The following UQCC2 variants were observed in gnomAD, a reference collection of about 807,000 sequenced individuals.
UQCC2 encodes ubiquinol-cytochrome c reductase complex assembly factor 2, also known as breast cancer-associated protein SGA-81M.
Under a neutral mutation model 19.9 loss-of-function variants are expected in UQCC2, and 21 were observed. That is an observed-to-expected ratio of 1.05 (90% CI 0.75 to 1.52). The LOEUF (loss-of-function observed/expected upper bound fraction) is 1.52, where lower values mean the gene tolerates loss of function less well. UQCC2 is among the 40% of genes most tolerant of loss of function. The probability of loss-of-function intolerance (pLI) is 0.00; values close to 1 mark genes in which losing one functional copy is unlikely to be tolerated. For synonymous variants in UQCC2, 57 were observed against 60.9 expected (o/e 0.94, Z 0.30); for missense variants, 135 against 157.5 (o/e 0.86, Z 0.76).
chr6:33,705,908 A>G (rs1765692797), intron 1 of UQCC2, among the ~76,000 whole-genome samples: 1 of 152,234 alleles, frequency 6.6e-6, no homozygotes, highest in South Asian at 2.1e-4. Context: ...CAGTGGGGAC[A>G]TTATGAAAAA....
At chr6:33,710,372 G>A (rs1245008168) in intron 1 of UQCC2, among the ~76,000 whole-genome samples, 2 of 152,154 alleles carry the variant, frequency 1.3e-5, no homozygotes, top group Admixed American at 1.3e-4. Context: ...CTTATAATGA[G>A]GTCTAAAGCT....
At chr6:33,710,827 T>C (rs1268381506) in intron 1 of UQCC2, among the ~76,000 whole-genome samples, 1 of 152,026 alleles carries the variant, frequency 6.6e-6, no homozygotes, top group African/African-American at 2.4e-5. Flanking sequence ...TATGAATGAA[T>C]GAATCCCAGA....
Position 33,711,557 on chromosome 6 carries a change from T to C in UQCC2, c.130A>G (p.Asn44Asp), listed in dbSNP as rs1765772705. The change falls in exon 1 of 4, where the codon AAT (asparagine) becomes GAT (aspartate). Residue 44 changes from asparagine to aspartate, a missense_variant. Transcript: ENST00000607484. ...GCCTCCCCGCCGGTCACCTGGGTAT[T>C]CTCTCCCTCCCGAAAGGCCTGTGCT... ...RVAQAFREGE[N>D]TQVAEPEACD... is the part of the protein sequence containing the mutation. The C allele has an allele frequency of 1.2e-6, 2 of 1,607,440 alleles. No individual in the cohort carries two copies. The highest frequency in any genetic ancestry group is 1.7e-4 in the Middle Eastern group (1 of 6,032).
rs140354485 is a variant in UQCC2, at chr6:33,702,976, A to G, written c.139-1556T>C. Among the ~76,000 whole-genome samples the G allele has an allele frequency of 9.2e-5, 14 of 152,358 alleles. No individual in the cohort carries two copies. The East Asian group carries it at 2.7e-3, about 29-fold the overall frequency. ...TTCAGGCTACTCATCATGAGAATGT[A>G]CACCCAGATACATCAGAAGAGGAAG... On this transcript the variant is annotated intron_variant, in intron 1 of 3. Transcript: ENST00000607484.
chr6:33,703,758 C>T (rs1445283852), intron 1 of UQCC2, among the ~76,000 whole-genome samples: 1 of 152,146 alleles, frequency 6.6e-6, no homozygotes, highest in Non-Finnish European at 1.5e-5. Flanking sequence ...TGTGCATTTC[C>T]TAAGAACAAG....
intron 1 of UQCC2, 66 bp downstream of exon 1, chr6:33,711,483 G>A: frequency 3.3e-6 from 5 of 1,514,700 alleles, no homozygotes; most frequent in Non-Finnish European, 4.4e-6. Flanking sequence ...CTGCTAGCGC[G>A]CTCGTTGGCC....
intron 3 of UQCC2, among the ~76,000 whole-genome samples, chr6:33,699,554 G>C (rs1404178623): frequency 6.6e-6 from 1 of 152,110 alleles, no homozygotes; most frequent in Non-Finnish European, 1.5e-5. Context: ...AAAAAAAATT[G>C]CCAATAAAGT....
intron 1 of UQCC2, among the ~76,000 whole-genome samples, chr6:33,710,827 T>G (rs1268381506): frequency 6.6e-6 from 1 of 152,026 alleles, no homozygotes; most frequent in Non-Finnish European, 1.5e-5. Flanking sequence ...TATGAATGAA[T>G]GAATCCCAGA....
At position 33,697,458 on chromosome 6, in the gene UQCC2, G is replaced by A; in HGVS notation, c.*195C>T. ...CCAGGAGATTTCCCTACCCTGAGCAGCAGTCACAGCAGATAGCTCAATCAC... is the reference window on the plus strand; with the variant it reads ...CCAGGAGATTTCCCTACCCTGAGCAACAGTCACAGCAGATAGCTCAATCAC... On this transcript the variant is annotated 3_prime_UTR_variant, in exon 4 of 4. Coordinates refer to ENST00000607484, the MANE Select transcript of UQCC2 (RefSeq NM_032340.4). The A allele has an allele frequency of 3.6e-6, 2 of 549,608 alleles. No homozygotes were observed. The highest frequency in any genetic ancestry group is 6.4e-6 in the Non-Finnish European group (2 of 314,474). The allele number at this position is 549,608 out of a possible 1,614,324, so 34.0% of individuals were successfully genotyped here.
At chr6:33,699,340 C>A (rs4713658) in intron 3 of UQCC2, among the ~76,000 whole-genome samples, 1 of 151,986 alleles carries the variant, frequency 6.6e-6, no homozygotes, top group South Asian at 2.1e-4. Flanking sequence ...GGACTATCTC[C>A]CAGCCTTCGT....
At chr6:33,704,543 C>G (rs1047030060) in intron 1 of UQCC2, among the ~76,000 whole-genome samples, 3 of 152,222 alleles carry the variant, frequency 2.0e-5, no homozygotes, top group Non-Finnish European at 2.9e-5. Context: ...TCTCCATGGT[C>G]TGCCGAGAGA....
intron 1 of UQCC2, among the ~76,000 whole-genome samples, chr6:33,710,778 G>A (rs1765759467): frequency 6.6e-6 from 1 of 152,156 alleles, no homozygotes; most frequent in African/African-American, 2.4e-5. Flanking sequence ...CCCTAGCACC[G>A]TTCCAGGCAT....
chr6:33,711,174 G>C (rs1000603989), intron 1 of UQCC2, among the ~76,000 whole-genome samples: 1 of 152,150 alleles, frequency 6.6e-6, no homozygotes, highest in African/African-American at 2.4e-5. Flanking sequence ...TTCTGCATTT[G>C]AAGTTTTTGT....
intron 1 of UQCC2, among the ~76,000 whole-genome samples, chr6:33,708,888 G>C (rs549757687): frequency 6.6e-6 from 1 of 152,312 alleles, no homozygotes; most frequent in Non-Finnish European, 1.5e-5. Flanking sequence ...ATGAGGTACC[G>C]CAACAGTGGT....
chr6:33,706,926 G>C (rs1270524361), intron 1 of UQCC2, among the ~76,000 whole-genome samples: 1 of 152,266 alleles, frequency 6.6e-6, no homozygotes, highest in African/African-American at 2.4e-5. Flanking sequence ...TCATGTTAGG[G>C]TGGTGCGAGG....
chr6:33,704,608 C>T (rs780096585), intron 1 of UQCC2, among the ~76,000 whole-genome samples: 1 of 152,100 alleles, frequency 6.6e-6, no homozygotes, highest in Non-Finnish European at 1.5e-5. Context: ...TGGACCTTCC[C>T]GTCCTGCCAC....
At chr6:33,711,157 C>A (rs537906940) in intron 1 of UQCC2, among the ~76,000 whole-genome samples, 4 of 152,186 alleles carry the variant, frequency 2.6e-5, no homozygotes, top group Non-Finnish European at 5.9e-5. Flanking sequence ...GACCCCACCC[C>A]TAGAGATTCT....
At chr6:33,711,432 C>A in intron 1 of UQCC2, 117 bp downstream of exon 1, 2 of 1,410,374 alleles carry the variant, frequency 1.4e-6, no homozygotes, top group Non-Finnish European at 1.9e-6. Context: ...TCCGCGCTCA[C>A]GTGCTGCCTG....
At chr6:33,697,820 T>A in intron 3 of UQCC2, 70 bp from the exon 4 acceptor site, 1 of 1,305,794 alleles carries the variant, frequency 7.7e-7, no homozygotes. Context: ...TTGGACCCAC[T>A]GGGCTTTCCC....
Sources: allele counts gnomAD v4.1 joint callset (sites outside exome capture counted in the v4.1 genomes callset), GRCh38; gene constraint gnomAD v4.1.1; transcripts MANE v1.5; gene names NCBI Gene and HGNC (gene_info 2026-07-23, HGNC 2026-07-21).